Variants in FAM177A1 observed in about 807,000 individuals in gnomAD.
FAM177A1 encodes the protein family with sequence similarity 177 member A1.
In FAM177A1, 22 loss-of-function variants were observed where a neutral mutation model predicts 26.1. The ratio of observed to expected loss-of-function variants is 0.84; its 90% CI spans 0.60 to 1.20. The LOEUF is 1.20. Among genes scored for constraint, FAM177A1 ranks in the 50% most tolerant of loss-of-function variants. FAM177A1 has a pLI of 0.00. For synonymous variants in FAM177A1, 95 were observed against 99.3 expected, an observed-to-expected ratio of 0.96 and a Z score of 0.26; for missense variants, 296 against 291.1, an observed-to-expected ratio of 1.02 and a Z score of -0.12.
chr14:35,073,574 G>C (rs1230665118), intron 2 of FAM177A1, among the ~76,000 whole-genome samples: 4 of 152,190 alleles, frequency 2.6e-5, no homozygotes, highest in Non-Finnish European at 5.9e-5. Flanking sequence ...ATTTTAAAAG[G>C]CAGTCCCTTA....
intron 2 of FAM177A1, among the ~76,000 whole-genome samples, chr14:35,071,841 T>C (rs572294829): frequency 1.3e-5 from 2 of 152,310 alleles, no homozygotes; most frequent in African/African-American, 4.8e-5. Flanking sequence ...AATCTGCCTA[T>C]AACTTTTTAT....
chr14:35,072,003 G>A (rs995849946), intron 2 of FAM177A1, among the ~76,000 whole-genome samples: 4 of 152,188 alleles, frequency 2.6e-5, no homozygotes, highest in South Asian at 2.1e-4. Context: ...TTGGCTAGGC[G>A]TGGTGGCTCA....
Position 35,054,802 on chromosome 14 carries a change from C to G in FAM177A1, c.339+1351C>G, listed in dbSNP as rs577579073. 3 of 151,614 alleles carry G rather than the reference C, an allele frequency of 2.0e-5. No homozygotes were observed. In the East Asian group the frequency reaches 5.8e-4, roughly 29 times the overall value. 9.4% of individuals were successfully genotyped at this position (151,614 alleles called of 1,614,324 possible). On this transcript the variant is annotated intron_variant, in intron 2 of 4. Coordinates refer to ENST00000280987, the MANE Select transcript of FAM177A1 (RefSeq NM_173607.5). ...CCAGCCTGACCAACATGGAGAAACC[C>G]CATCTCTACTAAAAATACAAAAAAA...
intron 2 of FAM177A1, among the ~76,000 whole-genome samples, chr14:35,075,272 C>G (rs1323208602): frequency 6.6e-6 from 1 of 152,128 alleles, no homozygotes; most frequent in Non-Finnish European, 1.5e-5. Flanking sequence ...CCCTGGCTTA[C>G]CAAATATGCA....
intron 2 of FAM177A1, among the ~76,000 whole-genome samples, chr14:35,059,731 TAG>T (rs1485748761): frequency 4.6e-5 from 7 of 152,026 alleles, no homozygotes; most frequent in Admixed American, 4.6e-4. Flanking sequence ...TGTATTTTAG[TAG>T]AGACGGGGTT....
At chr14:35,072,830 T>C (rs2045342808) in intron 2 of FAM177A1, among the ~76,000 whole-genome samples, 1 of 152,166 alleles carries the variant, frequency 6.6e-6, no homozygotes, top group South Asian at 2.1e-4. Context: ...GATCCAAATT[T>C]TGAAACGCTC....
At position 35,048,786 on chromosome 14, in the gene FAM177A1, G is replaced by A. The variant is rs10139351; in HGVS notation, c.165+2158G>A. On this transcript the variant is annotated intron_variant, in intron 1 of 4. Transcript: ENST00000280987. ...CTTACACTTCTTCCCAAGTTTGGCA[G>A]AACTGAGAAATCCCTAGTGCAATGT... Among the ~76,000 whole-genome samples the A allele has an allele frequency of 3.9e-3, 586 of 151,902 alleles. 6 individuals are homozygous for A. Among genetic ancestry groups the A allele is most frequent in the African/African-American group, 0.013 (554 of 41,452 alleles).
intron 1 of FAM177A1, among the ~76,000 whole-genome samples, chr14:35,052,924 A>G (rs1301957401): frequency 4.6e-5 from 7 of 151,786 alleles, no homozygotes; most frequent in Admixed American, 1.3e-4. Flanking sequence ...TGTCTGGGGG[A>G]AAAAAAAATT....
At chr14:35,079,088 A>G (rs956067692) in intron 4 of FAM177A1, 64 bp downstream of exon 4, 1 of 1,240,602 alleles carries the variant, frequency 8.1e-7, no homozygotes, top group African/African-American at 1.6e-5. Flanking sequence ...TGGGTTGCAT[A>G]ATGAGCCTAT....
intron 1 of FAM177A1, among the ~76,000 whole-genome samples, chr14:35,048,844 C>T (rs539581880): frequency 1.3e-4 from 19 of 150,672 alleles, no homozygotes; most frequent in African/African-American, 3.4e-4. Flanking sequence ...GAGATAGGGT[C>T]TAGAATTAGG....
intron 2 of FAM177A1, among the ~76,000 whole-genome samples, chr14:35,061,403 A>AT (rs1216946342): frequency 6.6e-6 from 1 of 150,864 alleles, no homozygotes; most frequent in African/African-American, 2.4e-5. Flanking sequence ...TTCTGTCTGA[A>AT]TAACACCTTC....
intron 2 of FAM177A1, among the ~76,000 whole-genome samples, chr14:35,075,141 C>T (rs2045376050): frequency 6.6e-6 from 1 of 152,186 alleles, no homozygotes; most frequent in South Asian, 2.1e-4. Context: ...ATGCCTTTAT[C>T]ACTGGCTTCA....
At position 35,082,196 on chromosome 14, in the gene FAM177A1, A is replaced by G. The variant is rs1214162285; in HGVS notation, c.*968A>G. ...TTATTTGTAAACCTTACAAATGTAT[A>G]TATTGTGAAGCTAATTTTGAAAATA... On this transcript the variant is annotated 3_prime_UTR_variant, in exon 5 of 5. Transcript: ENST00000280987. 1.3e-5 allele frequency: 2 copies of G among 152,140 alleles called. No individual in the cohort carries two copies. The highest frequency in any genetic ancestry group is 2.9e-5 in the Non-Finnish European group (2 of 68,028). 9.4% of individuals were successfully genotyped at this position (152,140 alleles called of 1,614,324 possible). A position where few individuals can be genotyped will look rare whatever the true frequency, so the allele number is the denominator to read the frequency against.
intron 1 of FAM177A1, 89 bp from the exon 2 acceptor site, chr14:35,053,189 T>C (rs2045002217): frequency 1.7e-6 from 2 of 1,197,386 alleles, no homozygotes; most frequent in Admixed American, 4.9e-5. Context: ...ATTTCTTTAC[T>C]ACAATAAACC....
At chr14:35,076,857 T>C (rs2045404541) in intron 2 of FAM177A1, among the ~76,000 whole-genome samples, 1 of 152,218 alleles carries the variant, frequency 6.6e-6, no homozygotes, top group Non-Finnish European at 1.5e-5. Flanking sequence ...AAGCTCTGGA[T>C]TGTCAACTCA....
chr14:35,067,515 A>T (rs1397820973), intron 2 of FAM177A1, among the ~76,000 whole-genome samples: 4 of 152,206 alleles, frequency 2.6e-5, no homozygotes, highest in African/African-American at 7.2e-5. Context: ...TCTTTGATAT[A>T]CTGATTCCAG....
intron 2 of FAM177A1, among the ~76,000 whole-genome samples, chr14:35,071,060 G>T (rs998708828): frequency 6.6e-6 from 1 of 151,086 alleles, no homozygotes; most frequent in Non-Finnish European, 1.5e-5. Flanking sequence ...GCAGTGGTGC[G>T]ATCTCAGCTC....
At chr14:35,072,817 C>T (rs925044110) in intron 2 of FAM177A1, among the ~76,000 whole-genome samples, 5 of 152,040 alleles carry the variant, frequency 3.3e-5, no homozygotes, top group South Asian at 2.1e-4. Context: ...TGAATTTCTC[C>T]GAGATCCAAA....
At chr14:35,047,782 CA>C (rs902316921) in intron 1 of FAM177A1, among the ~76,000 whole-genome samples, 9 of 58,996 alleles carry the variant, frequency 1.5e-4, no homozygotes, top group Admixed American at 6.6e-4. Context: ...ACAACAACAA[CA>C]AAAAAAAAAC....
Sources: gnomAD v4.1 joint callset for allele counts (sites outside exome capture counted in the v4.1 genomes callset) on GRCh38, gnomAD v4.1.1 for gene constraint, MANE v1.5 for transcripts, NCBI Gene and HGNC (gene_info 2026-07-23, HGNC 2026-07-21) for gene names.